Variants in RPP38 observed in about 807,000 individuals in gnomAD.
RPP38 encodes ribonuclease P/MRP subunit p38.
Under a neutral mutation model 1.7 loss-of-function variants are expected in RPP38, and 2 were observed. The observed-to-expected ratio is 1.18, with a 90% CI of 0.48 to 3.70. The LOEUF is 3.70. RPP38 is among the 30% of genes most tolerant of loss of function. RPP38 has a pLI of 0.07. For missense variants in RPP38, 358 were observed against 340.1 expected, an observed-to-expected ratio of 1.05 and a Z score of -0.41; for synonymous variants, 151 against 131.8, an observed-to-expected ratio of 1.15 and a Z score of -1.00.
chr10:15,101,607 C>T (rs1845109665), intron 1 of RPP38, among the ~76,000 whole-genome samples: 1 of 152,142 alleles, frequency 6.6e-6, no homozygotes, highest in Admixed American at 6.6e-5. Context: ...AAAAGGAGGA[C>T]TGGCCGGGAG....
chr10:15,100,117 AGAC>A (rs1845070231), intron 1 of RPP38, among the ~76,000 whole-genome samples: 1 of 152,182 alleles, frequency 6.6e-6, no homozygotes, highest in Non-Finnish European at 1.5e-5. Context: ...ATGCTTATCC[AGAC>A]TACTTGGCTC....
At position 15,098,905 on chromosome 10, in the gene RPP38, A is replaced by AGAGTC. The variant is rs202038580; in HGVS notation, c.-130+1139_-130+1140insGAGTC. On this transcript the variant is annotated intron_variant, in intron 1 of 2. Transcript: ENST00000378197. The stretch of plus-strand genomic sequence containing the variant: ...GTCTCAAAAAAAAAAAAAAAAAAAA[A>AGAGTC]AGTTCCTCTGTGAGGACTGCCTTTT... Among the ~76,000 whole-genome samples the AGAGTC allele has an allele frequency of 2.2e-5, 3 of 137,034 alleles. 1 individual carries two copies. The highest frequency in any genetic ancestry group is 9.2e-5 in the African/African-American group (3 of 32,656). 89.9% of individuals were successfully genotyped at this position (137,034 alleles called of 152,430 possible).
In RPP38 at chr10:15,103,450, C is replaced by T; in HGVS notation, c.136C>T (p.Gln46Ter). ...LESEDMHFILQTLEDRLKAIG... is the reference protein window; with the variant it reads ...LESEDMHFIL ...GAGCGAGGATATGCACTTCATCCTACAGACGCTTGAGGACAGGCTTAAAGC... is the reference window on the plus strand; with the variant it reads ...GAGCGAGGATATGCACTTCATCCTATAGACGCTTGAGGACAGGCTTAAAGC... Residue 46 changes from glutamine (Q) to a stop codon, truncating the protein, a stop_gained, in exon 3 of 3, where the codon CAG becomes TAG. Transcript: ENST00000378197. LOFTEE classifies it low-confidence loss of function (END_TRUNC). 1.2e-6 allele frequency: 2 copies of T among 1,614,090 alleles called. No individual in the cohort carries two copies. Among genetic ancestry groups the T allele is most frequent in the South Asian group, 1.1e-5 (1 of 91,082 alleles).
In RPP38 at chr10:15,098,905, A is replaced by AAAAAAGTC. The variant is rs1554818067; in HGVS notation, c.-130+1140_-130+1141insAAAAGTCA. ...GTCTCAAAAAAAAAAAAAAAAAAAA[A>AAAAAAGTC]AGTTCCTCTGTGAGGACTGCCTTTT... On this transcript the variant is annotated intron_variant, in intron 1 of 2. Transcript: ENST00000378197. 2.7e-4 allele frequency among the ~76,000 whole-genome samples: 37 copies of AAAAAAGTC among 137,056 alleles called. 4 individuals carry two copies. Among genetic ancestry groups the AAAAAAGTC allele is most frequent in the African/African-American group, 9.8e-4 (32 of 32,700 alleles). The allele number at this position is 137,056 out of a possible 152,430, so 89.9% of individuals were successfully genotyped here. A position where few individuals can be genotyped will look rare whatever the true frequency, so the allele number is the denominator to read the frequency against.
intron 1 of RPP38, among the ~76,000 whole-genome samples, chr10:15,098,828 G>C (rs1845028045): frequency 6.7e-6 from 1 of 149,494 alleles, no homozygotes. Context: ...GGAGGATGCA[G>C]TGAGCCGAGA....
chr10:15,103,349 C>G lies in RPP38; in HGVS notation c.35C>G (p.Ser12Cys). The change falls in exon 3 of 3, where the codon TCT becomes TGT. Residue 12 changes from serine to cysteine, a missense_variant. Ser to Cys is a moderately radical substitution (Grantham distance 112). Transcript: ENST00000378197. ...GCTCCTCAAGCACCGGGGCGGGGAT[C>G]TCTCCGTAAGACGAGACCTCTGGTT... Reference protein sequence around the residue: ...AAAPQAPGRGSLRKTRPLVVK... With the variant: ...AAAPQAPGRGCLRKTRPLVVK... The G allele has an allele frequency of 6.3e-7, 1 of 1,595,934 alleles. No homozygotes were observed.
At chr10:15,099,047 G>A (rs567781754) in intron 1 of RPP38, among the ~76,000 whole-genome samples, 15 of 121,622 alleles carry the variant, frequency 1.2e-4, no homozygotes, top group African/African-American at 7.7e-4. Context: ...TTTTCCTCGT[G>A]GACTCTAAGC....
In RPP38 at chr10:15,103,627, A is replaced by T; in HGVS notation, c.313A>T (p.Thr105Ser). 1 of 1,614,148 alleles carries T rather than the reference A, an allele frequency of 6.2e-7. No individual in the cohort carries two copies. The highest frequency in any genetic ancestry group is 8.5e-7 in the Non-Finnish European group (1 of 1,180,036). The change falls in exon 3 of 3, where the codon ACG becomes TCG. Residue 105 changes from threonine to serine, a missense_variant. Transcript: ENST00000378197. Reference sequence around the variant, plus strand: ...TGCTAAGCAGCAAGTGTCAGGGTGGACGCCTGCACACGTCAGGAAGCAGCT... The same window carrying T: ...TGCTAAGCAGCAAGTGTCAGGGTGGTCGCCTGCACACGTCAGGAAGCAGCT... ...TDAKQQVSGW[T>S]PAHVRKQLAI...
At chr10:15,100,677 G>C (rs953845881) in intron 1 of RPP38, among the ~76,000 whole-genome samples, 1 of 151,420 alleles carries the variant, frequency 6.6e-6, no homozygotes, top group African/African-American at 2.4e-5. Context: ...TCAGATTCAC[G>C]AGGGCAACTT....
chr10:15,103,421 T>C lies in RPP38; in HGVS notation c.107T>C (p.Leu36Pro). The C allele has an allele frequency of 6.2e-7, 1 of 1,614,188 alleles. No individual in the cohort carries two copies. Residue 36 changes from leucine (L) to proline (P), a missense_variant, in exon 3 of 3, where the codon CTG becomes CCG. By Grantham distance (98) the Leu-to-Pro change is moderately conservative (BLOSUM62 -3). Transcript: ENST00000378197. ...CCATACATCATCCGCTGGAGCGCTC[T>C]GGAGAGCGAGGATATGCACTTCATC... Reference protein sequence around the residue: ...NNPYIIRWSALESEDMHFILQ... With the variant: ...NNPYIIRWSAPESEDMHFILQ...
At chr10:15,098,657 G>A (rs1845021590) in intron 1 of RPP38, among the ~76,000 whole-genome samples, 1 of 150,976 alleles carries the variant, frequency 6.6e-6, no homozygotes. Context: ...GGAGGCCGAG[G>A]CGGGCGGATC....
intron 1 of RPP38, among the ~76,000 whole-genome samples, chr10:15,098,527 T>C (rs1032733522): frequency 6.6e-6 from 1 of 150,578 alleles, no homozygotes. Context: ...AGCCAACTTA[T>C]TTCTTTTAAT....
chr10:15,098,236 T>TTTG (rs1845005039), intron 1 of RPP38, among the ~76,000 whole-genome samples: 1 of 145,136 alleles, frequency 6.9e-6, no homozygotes, highest in African/African-American at 2.6e-5. Flanking sequence ...GTTTTTTTTT[T>TTTG]TTTTTTTTTT....
At chr10:15,098,905 A>AAAATC (rs1554818067) in intron 1 of RPP38, among the ~76,000 whole-genome samples, 9 of 137,058 alleles carry the variant, frequency 6.6e-5, no homozygotes, top group African/African-American at 2.8e-4. Flanking sequence ...AAAAAAAAAA[A>AAAATC]AGTTCCTCTG....
In RPP38 at chr10:15,103,663, G is replaced by T; in HGVS notation, c.349G>T (p.Val117Phe). ...CGTCAGGAAGCAGCTTGCCATTGGC[G>T]TTAACGAAGTTACCAGAGCCCTGGA... ...AHVRKQLAIG[V>F]NEVTRALERR... is the part of the protein sequence containing the mutation. Residue 117 changes from valine (V) to phenylalanine (F), a missense_variant, in exon 3 of 3, where the codon GTT (valine) becomes TTT (phenylalanine). Val to Phe is a conservative substitution (Grantham distance 50, BLOSUM62 -1). Transcript: ENST00000378197. 6.2e-7 allele frequency: 1 copy of T among 1,614,054 alleles called. No individual in the cohort carries two copies. Among genetic ancestry groups the T allele is most frequent in the Non-Finnish European group, 8.5e-7 (1 of 1,180,030 alleles).
At position 15,097,648 on chromosome 10, in the gene RPP38, C is replaced by G. The variant is rs7900561; in HGVS notation, c.-248C>G. 1.3e-5 allele frequency: 2 copies of G among 152,228 alleles called. No individual in the cohort carries two copies. The highest frequency in any genetic ancestry group is 2.9e-5 in the Non-Finnish European group (2 of 68,068). The allele number at this position is 152,228 out of a possible 1,614,324, so 9.4% of individuals were successfully genotyped here. A position where few individuals can be genotyped will look rare whatever the true frequency, so the allele number is the denominator to read the frequency against. On this transcript the variant is annotated 5_prime_UTR_variant, in exon 1 of 3. Coordinates refer to ENST00000378197, the MANE Select transcript of RPP38 (RefSeq NM_183005.5). ...CGGCTCCTCTGCTGGATTGCAGCGC[C>G]GGCTGGGCACCAGGAGTACAAAGCG...
intron 1 of RPP38, among the ~76,000 whole-genome samples, chr10:15,099,720 C>T (rs1029431349): frequency 3.9e-5 from 6 of 152,192 alleles, no homozygotes; most frequent in African/African-American, 1.2e-4. Flanking sequence ...CTCAAGTGAT[C>T]TGTCCAGCTT....
In RPP38 at chr10:15,104,009, T is replaced by A. The variant is rs761255084; in HGVS notation, c.695T>A (p.Leu232Ter). The change falls in exon 3 of 3, where the codon TTG becomes TAG. Residue 232 changes from leucine to a stop codon, truncating the protein, a stop_gained. Coordinates refer to ENST00000378197, the MANE Select transcript of RPP38 (RefSeq NM_183005.5). LOFTEE classifies it low-confidence loss of function (END_TRUNC). The part of the protein sequence containing the change: ...EPLESQDREL[L>*]DTSFEDLSKP... ...CTGGAAAGCCAAGACAGAGAGCTTT[T>A]GGACACTTCATTTGAAGATCTGTCA... 7 of 1,614,138 alleles carry A rather than the reference T, an allele frequency of 4.3e-6. No homozygotes were observed. The South Asian group carries it at 7.7e-5, about 18-fold the overall frequency.
intron 1 of RPP38, among the ~76,000 whole-genome samples, chr10:15,101,280 A>G (rs1041137925): frequency 2.0e-5 from 3 of 152,228 alleles, no homozygotes; most frequent in African/African-American, 7.2e-5. Flanking sequence ...CTTGCCTTCA[A>G]CATCAGCTGC....
Sources: gnomAD v4.1 joint callset for allele counts (sites outside exome capture counted in the v4.1 genomes callset) on GRCh38, gnomAD v4.1.1 for gene constraint, MANE v1.5 for transcripts, NCBI Gene and HGNC (gene_info 2026-07-23, HGNC 2026-07-21) for gene names.